Variants in YIF1A observed in about 807,000 individuals in gnomAD.
YIF1A encodes Yip1 interacting factor homolog A, membrane trafficking protein.
Under a neutral mutation model 32.6 loss-of-function variants are expected in YIF1A, and 28 were observed. The observed-to-expected ratio is 0.86, with a 90% CI of 0.64 to 1.18. The LOEUF is 1.18. YIF1A is among the 50% of genes most tolerant of loss of function. The pLI, the probability that YIF1A is intolerant of heterozygous loss-of-function variation, is 0.00. For missense variants in YIF1A, 373 were observed against 390.8 expected (o/e 0.95, Z 0.38); for synonymous variants, 175 against 162.2 (o/e 1.08, Z -0.60).
chr11:66,287,090 G>C (rs1032061943), intron 4 of YIF1A: 1 of 158,292 alleles, frequency 6.3e-6, no homozygotes, highest in African/African-American at 2.4e-5. Flanking sequence ...GTCAGGAAAG[G>C]CTTCTTGGAA....
intron 1 of YIF1A, among the ~76,000 whole-genome samples, chr11:66,288,604 G>C (rs762550811): frequency 6.6e-6 from 1 of 152,366 alleles, no homozygotes; most frequent in Non-Finnish European, 1.5e-5. Flanking sequence ...AAGTGTGCTA[G>C]GTGAAAATAA....
In YIF1A at chr11:66,288,251, G is replaced by C. The variant is rs779627652; in HGVS notation, c.73C>G (p.Leu25Val). The C allele has an allele frequency of 1.2e-6, 2 of 1,614,122 alleles. No individual in the cohort carries two copies. Among genetic ancestry groups the C allele is most frequent in the Non-Finnish European group, 1.7e-6 (2 of 1,180,030 alleles). ...RARAAPDPPP[L>V]FDDTSGGYSS... ...TAACCACCGCTTGTGTCATCGAAGAGGGGAGGGGGATCCGGGGCTGCCCGG... is the reference window on the plus strand; with the variant it reads ...TAACCACCGCTTGTGTCATCGAAGACGGGAGGGGGATCCGGGGCTGCCCGG... Residue 25 changes from leucine (L) to valine (V), a missense_variant, in exon 2 of 8, where the codon CTC becomes GTC. Coordinates refer to ENST00000376901, the MANE Select transcript of YIF1A (RefSeq NM_020470.3).
chr11:66,287,556 A>C (rs1857374492), intron 4 of YIF1A, 42 bp downstream of exon 4: 305 of 1,272,890 alleles, frequency 2.4e-4, no homozygotes, highest in Non-Finnish European at 3.0e-4. Context: ...GTCCCCCCCG[A>C]CCCCACCCCA....
At chr11:66,288,057 C>G (rs1857388981) in intron 2 of YIF1A, 24 bp downstream of exon 2, 1 of 1,611,082 alleles carries the variant, frequency 6.2e-7, no homozygotes, top group Non-Finnish European at 8.5e-7. Context: ...ATTCTGCCAC[C>G]CGTGCCCCGG....
Position 66,284,981 on chromosome 11 carries a change from A to C in YIF1A, c.642-15T>G, listed in dbSNP as rs764788767. ...TGAGGATCATTCTGGGGGTGGGAGG[A>C]GGAAAGGGTTGGTGACCCCCAGGGG... On this transcript the variant is annotated splice_polypyrimidine_tract_variant and intron_variant, in intron 6 of 7. Coordinates refer to ENST00000376901, the MANE Select transcript of YIF1A (RefSeq NM_020470.3). 7.9e-5 allele frequency: 128 copies of C among 1,612,592 alleles called. No individual in the cohort carries two copies. Among genetic ancestry groups the C allele is most frequent in the Non-Finnish European group, 5.3e-5 (63 of 1,179,836 alleles).
rs1857393109 is a variant in YIF1A at position 66,288,184 on chromosome 11, A to C, written c.140T>G (p.Val47Gly). ...AAGCAAGTGGTTGACACTGAAGGCC[A>C]CGTCTGCTCCTGTGGCTGGGTATCC... ...PGGYPATGAD[V>G]AFSVNHLLGD... is the part of the protein sequence containing the mutation. The change falls in exon 2 of 8, where the codon GTG (valine) becomes GGG (glycine). Residue 47 changes from valine to glycine, a missense_variant. Coordinates refer to ENST00000376901, the MANE Select transcript of YIF1A (RefSeq NM_020470.3). 10 of 1,614,172 alleles carry C rather than the reference A, an allele frequency of 6.2e-6. No individual in the cohort carries two copies. The highest frequency in any genetic ancestry group is 8.5e-6 in the Non-Finnish European group (10 of 1,180,040).
At chr11:66,285,163 C>T in intron 6 of YIF1A, 197 bp from the exon 7 acceptor site, 1 of 879,072 alleles carries the variant, frequency 1.1e-6, no homozygotes, top group Non-Finnish European at 1.7e-6. Context: ...ATCTGAGACC[C>T]CCTTCTCTCC....
intron 1 of YIF1A, 52 bp from the exon 2 acceptor site, chr11:66,288,344 C>G: frequency 6.2e-7 from 1 of 1,605,594 alleles, no homozygotes; most frequent in Middle Eastern, 1.7e-4. Flanking sequence ...AGCATGAGCC[C>G]AAACCACCGC....
In YIF1A at chr11:66,287,824, G is replaced by C. The variant is rs943295884; in HGVS notation, c.336C>G (p.Pro112=). The change falls in exon 3 of 8, where the codon CCC becomes CCG. Residue 112 remains proline (P), a synonymous_variant. Coordinates refer to ENST00000376901, the MANE Select transcript of YIF1A (RefSeq NM_020470.3). ...GTAGGAAGCTCACCTGGTGTGTGTA[G>C]GGGAAGACCAGCAGCCCTAGCTTCT... The part of the protein sequence containing the change: ...VAKKLGLLVF[P]YTHQNWEVQY... The C allele has an allele frequency of 6.2e-7, 1 of 1,614,080 alleles. No individual in the cohort carries two copies. Among genetic ancestry groups the C allele is most frequent in the Admixed American group, 1.7e-5 (1 of 60,034 alleles).
Position 66,288,145 on chromosome 11 carries a change from G to C in YIF1A, c.179C>G (p.Ala60Gly). 6.2e-7 allele frequency: 1 copy of C among 1,614,186 alleles called. No homozygotes were observed. The highest frequency in any genetic ancestry group is 8.5e-7 in the Non-Finnish European group (1 of 1,180,046). Residue 60 changes from alanine to glycine, a missense_variant, in exon 2 of 8, where the codon GCC becomes GGC. Physicochemically the swap from Ala to Gly is moderately conservative, Grantham distance 60. Coordinates refer to ENST00000376901, the MANE Select transcript of YIF1A (RefSeq NM_020470.3). Reference protein sequence around the residue: ...SVNHLLGDPMANVAMAYGSSI... With the variant: ...SVNHLLGDPMGNVAMAYGSSI... ...GCTGCCATAGGCCATAGCCACATTG[G>C]CCATTGGGTCCCCAAGCAAGTGGTT...
Position 66,289,054 on chromosome 11 carries a change from C to A in YIF1A, c.-69G>T. On this transcript the variant is annotated 5_prime_UTR_variant, in exon 1 of 8. Transcript: ENST00000376901. ...GTGGGTACGAATACTAATGAGGCAG[C>A]TGCTCCGCGCCCAGGGTACCGACCG... The A allele has an allele frequency of 6.6e-7, 1 of 1,515,966 alleles. No homozygotes were observed. Among genetic ancestry groups the A allele is most frequent in the Non-Finnish European group, 8.8e-7 (1 of 1,140,122 alleles). 93.9% of individuals were successfully genotyped at this position (1,515,966 alleles called of 1,614,324 possible).
intron 4 of YIF1A, chr11:66,287,380 CA>C: frequency 1.7e-6 from 1 of 585,628 alleles, no homozygotes; most frequent in Non-Finnish European, 3.1e-6. Flanking sequence ...AGGAAGGTCT[CA>C]AAAGGGTGTC....
chr11:66,289,087 C>T lies in YIF1A; in HGVS notation c.-102G>A. On this transcript the variant is annotated 5_prime_UTR_variant, in exon 1 of 8. Transcript: ENST00000376901. ...CGCCCAGGGTACCGACCGAGGCCAC[C>T]CGGCCGCGCGACACGTCCCCCACCC... is the stretch of plus-strand genomic sequence containing the variant. The T allele has an allele frequency of 4.9e-6, 7 of 1,424,778 alleles. No individual in the cohort carries two copies. Among genetic ancestry groups the T allele is most frequent in the Non-Finnish European group, 6.4e-6 (7 of 1,087,148 alleles). The allele number at this position is 1,424,778 out of a possible 1,614,324, so 88.3% of individuals were successfully genotyped here. A position where few individuals can be genotyped will look rare whatever the true frequency, so the allele number is the denominator to read the frequency against.
Position 66,284,979 on chromosome 11 carries a change from G to A in YIF1A, c.642-13C>T. Reference sequence around the variant, plus strand: ...ACTGAGGATCATTCTGGGGGTGGGAGGAGGAAAGGGTTGGTGACCCCCAGG... The same window carrying A: ...ACTGAGGATCATTCTGGGGGTGGGAAGAGGAAAGGGTTGGTGACCCCCAGG... On this transcript the variant is annotated splice_polypyrimidine_tract_variant and intron_variant, in intron 6 of 7. Coordinates refer to ENST00000376901, the MANE Select transcript of YIF1A (RefSeq NM_020470.3). 1 of 1,612,758 alleles carries A rather than the reference G, an allele frequency of 6.2e-7. No individual in the cohort carries two copies. Among genetic ancestry groups the A allele is most frequent in the Non-Finnish European group, 8.5e-7 (1 of 1,179,834 alleles).
intron 5 of YIF1A, 32 bp downstream of exon 5, chr11:66,285,664 CAGGGA>C (rs771229106): frequency 1.2e-6 from 2 of 1,612,652 alleles, no homozygotes; most frequent in South Asian, 2.2e-5. Flanking sequence ...GAAGAGCTCA[CAGGGA>C]GGGGAGGGTA....
chr11:66,289,112 C>G lies in YIF1A; in HGVS notation c.-127G>C. ...CCGGCCGCGCGACACGTCCCCCACC[C>G]CGCCGGTCTCGGCCACCATGTCCGT... On this transcript the variant is annotated 5_prime_UTR_variant, in exon 1 of 8. Transcript: ENST00000376901. 10 of 1,329,878 alleles carry G rather than the reference C, an allele frequency of 7.5e-6. 1 individual carries two copies. In the South Asian group the frequency reaches 1.6e-4, roughly 21 times the overall value. The allele number at this position is 1,329,878 out of a possible 1,614,324, so 82.4% of individuals were successfully genotyped here.
intron 1 of YIF1A, 152 bp downstream of exon 1, chr11:66,288,803 G>A (rs986446413): frequency 2.1e-6 from 2 of 948,154 alleles, no homozygotes; most frequent in South Asian, 1.9e-5. Context: ...GGCGAAGTCC[G>A]GGACGTGTTG....
At chr11:66,285,666 G>C (rs1411749203) in intron 5 of YIF1A, 35 bp downstream of exon 5, 2 of 1,612,960 alleles carry the variant, frequency 1.2e-6, no homozygotes, top group South Asian at 1.1e-5. Flanking sequence ...AGAGCTCACA[G>C]GGAGGGGAGG....
chr11:66,284,600 A>G lies in YIF1A; in HGVS notation c.*37T>C, dbSNP rs967044951. On this transcript the variant is annotated 3_prime_UTR_variant, in exon 8 of 8. Coordinates refer to ENST00000376901, the MANE Select transcript of YIF1A (RefSeq NM_020470.3). ...CAAAGTCAAGGAAATCAAATCTTCA[A>G]TGAATGAAAAACTCAGTGCCATCTG... 3 of 1,605,902 alleles carry G rather than the reference A, an allele frequency of 1.9e-6. No individual in the cohort carries two copies. Among genetic ancestry groups the G allele is most frequent in the African/African-American group, 1.3e-5 (1 of 74,704 alleles).
Sources: allele counts gnomAD v4.1 joint callset (sites outside exome capture counted in the v4.1 genomes callset), GRCh38; gene constraint gnomAD v4.1.1; transcripts MANE v1.5; gene names NCBI Gene and HGNC (gene_info 2026-07-23, HGNC 2026-07-21).